GLCE: variants seen among roughly 807,000 people sequenced by gnomAD.
GLCE encodes D-glucuronyl C5-epimerase.
Under a neutral mutation model 47.9 loss-of-function variants are expected in GLCE, and 19 were observed. The ratio of observed to expected loss-of-function variants is 0.40; its 90% CI spans 0.28 to 0.58. The LOEUF (loss-of-function observed/expected upper bound fraction) is 0.58, where lower values mean the gene tolerates loss of function less well. Among genes scored for constraint, GLCE ranks in the 20% least tolerant of loss-of-function variants. The probability of loss-of-function intolerance (pLI) is 0.48; values close to 1 mark genes in which losing one functional copy is unlikely to be tolerated. For synonymous variants in GLCE, 245 were observed against 263.4 expected, an observed-to-expected ratio of 0.93 and a Z score of 0.68; for missense variants, 556 against 743.3, an observed-to-expected ratio of 0.75 and a Z score of 2.93.
At chr15:69,235,768 A>C (rs1351828709) in intron 2 of GLCE, among the ~76,000 whole-genome samples, 1 of 152,176 alleles carries the variant, frequency 6.6e-6, no homozygotes, top group Non-Finnish European at 1.5e-5. Flanking sequence ...AAAACTATAG[A>C]AACCCATTAT....
At chr15:69,186,221 CCT>C (rs1323628812) in intron 1 of GLCE, among the ~76,000 whole-genome samples, 1 of 151,952 alleles carries the variant, frequency 6.6e-6, no homozygotes, top group African/African-American at 2.4e-5. Flanking sequence ...GAGGCAGGAC[CCT>C]CTCTGGAGGG....
chr15:69,200,892 T>C (rs1176670328), intron 1 of GLCE, among the ~76,000 whole-genome samples: 1 of 152,116 alleles, frequency 6.6e-6, no homozygotes, highest in East Asian at 1.9e-4. Flanking sequence ...TAGGGCAAGA[T>C]CAGTTTCCTT....
At chr15:69,205,053 T>A (rs549653976) in intron 1 of GLCE, among the ~76,000 whole-genome samples, 88 of 152,232 alleles carry the variant, frequency 5.8e-4, no homozygotes, top group African/African-American at 2.1e-3. Context: ...CTATGTATAG[T>A]TGATATATTT....
intron 2 of GLCE, among the ~76,000 whole-genome samples, chr15:69,211,583 A>C (rs551078222): frequency 7.2e-5 from 11 of 152,022 alleles, no homozygotes; most frequent in Admixed American, 7.2e-4. Context: ...ATAAAATTGG[A>C]GCCTAGAAAG....
chr15:69,171,427 C>T (rs1200293246), intron 1 of GLCE, among the ~76,000 whole-genome samples: 5 of 148,486 alleles, frequency 3.4e-5, no homozygotes, highest in African/African-American at 7.5e-5. Flanking sequence ...GATGGAGTCT[C>T]GCACTGTCGC....
At chr15:69,260,600 C>T (rs1046356019) in intron 3 of GLCE, 2 of 155,100 alleles carry the variant, frequency 1.3e-5, no homozygotes, top group African/African-American at 2.4e-5. Flanking sequence ...CATCAGATGA[C>T]ATACCTAATT....
At chr15:69,248,286 T>C (rs538787266) in intron 2 of GLCE, among the ~76,000 whole-genome samples, 3 of 152,336 alleles carry the variant, frequency 2.0e-5, no homozygotes, top group Non-Finnish European at 4.4e-5. Context: ...ATTTAAATCT[T>C]GGTCTATTAA....
In GLCE at chr15:69,243,092, A is replaced by C. The variant is rs113903558; in HGVS notation, c.-13-12702A>C. Among the ~76,000 whole-genome samples, 318 of 151,572 alleles carry C rather than the reference A, an allele frequency of 2.1e-3. 2 individuals are homozygous for C. Among genetic ancestry groups the C allele is most frequent in the Non-Finnish European group, 3.6e-3 (246 of 67,846 alleles). On this transcript the variant is annotated intron_variant, in intron 2 of 4. Coordinates refer to ENST00000261858, the MANE Select transcript of GLCE (RefSeq NM_015554.3). Reference sequence around the variant, plus strand: ...AAAAAAAAAAGAAAGAAAGAAATGAAAAGAAAGGAGAAAGGAAAGAAAAAA... The same window carrying C: ...AAAAAAAAAAGAAAGAAAGAAATGACAAGAAAGGAGAAAGGAAAGAAAAAA...
chr15:69,217,076 C>G (rs2052317477), intron 2 of GLCE, among the ~76,000 whole-genome samples: 1 of 151,826 alleles, frequency 6.6e-6, no homozygotes, highest in Admixed American at 6.6e-5. Flanking sequence ...ATGGCTAAAC[C>G]CAGTGTTGTT....
intron 1 of GLCE, among the ~76,000 whole-genome samples, chr15:69,197,790 A>T (rs2052015811): frequency 6.6e-6 from 1 of 152,120 alleles, no homozygotes; most frequent in South Asian, 2.1e-4. Flanking sequence ...TTTATTGTAA[A>T]GGGGGAACTA....
At chr15:69,173,079 G>A (rs1403414845) in intron 1 of GLCE, among the ~76,000 whole-genome samples, 2 of 152,110 alleles carry the variant, frequency 1.3e-5, no homozygotes, top group Non-Finnish European at 2.9e-5. Flanking sequence ...TCTGCAGTTG[G>A]TGAGTCAGTG....
intron 4 of GLCE, among the ~76,000 whole-genome samples, chr15:69,264,834 G>C (rs535289166): frequency 6.6e-6 from 1 of 151,878 alleles, no homozygotes; most frequent in Non-Finnish European, 1.5e-5. Context: ...TTGGCCACTC[G>C]TGTCTTCTTT....
chr15:69,246,825 TCTC>T (rs1249379985), intron 2 of GLCE, among the ~76,000 whole-genome samples: 1 of 152,086 alleles, frequency 6.6e-6, no homozygotes, highest in Non-Finnish European at 1.5e-5. Flanking sequence ...TCGTTGTACA[TCTC>T]CATCAGAGCT....
chr15:69,260,998 C>A, intron 3 of GLCE, 89 bp from the exon 4 acceptor site: 3 of 1,229,072 alleles, frequency 2.4e-6, no homozygotes, highest in South Asian at 2.9e-5. Flanking sequence ...CCTGTAAGAT[C>A]CCCCAGAAGT....
chr15:69,164,113 G>A (rs562973520), intron 1 of GLCE, among the ~76,000 whole-genome samples: 1 of 150,606 alleles, frequency 6.6e-6, no homozygotes, highest in Non-Finnish European at 1.5e-5. Flanking sequence ...ATAGGGTGGG[G>A]GAATAGGTAT....
At chr15:69,214,412 A>G (rs2052276617) in intron 2 of GLCE, among the ~76,000 whole-genome samples, 1 of 152,042 alleles carries the variant, frequency 6.6e-6, no homozygotes, top group African/African-American at 2.4e-5. Context: ...TGATGGTTTT[A>G]TAAGTGTCTG....
intron 1 of GLCE, among the ~76,000 whole-genome samples, chr15:69,176,514 C>T (rs1200123592): frequency 6.6e-6 from 1 of 151,934 alleles, no homozygotes; most frequent in Non-Finnish European, 1.5e-5. Flanking sequence ...ATGCGTCAGC[C>T]ACCACCCCTG....
rs183413840 is a variant in GLCE, at chr15:69,221,844, C to T, written c.-14+11438C>T. Among the ~76,000 whole-genome samples, 64 of 122,330 alleles carry T rather than the reference C, an allele frequency of 5.2e-4. 1 individual carries two copies. Among genetic ancestry groups the T allele is most frequent in the African/African-American group, 1.9e-3 (62 of 31,940 alleles). 80.3% of individuals were successfully genotyped at this position (122,330 alleles called of 152,430 possible). A position where few individuals can be genotyped will look rare whatever the true frequency, so the allele number is the denominator to read the frequency against. The stretch of plus-strand genomic sequence containing the variant: ...CGCCACTGTACTCTAGCCAGGGCAA[C>T]AGAGTGAGACGCTGTCTCAAAAAAA... On this transcript the variant is annotated intron_variant, in intron 2 of 4. Coordinates refer to ENST00000261858, the MANE Select transcript of GLCE (RefSeq NM_015554.3).
At position 69,218,910 on chromosome 15, in the gene GLCE, A is replaced by G. The variant is rs116183087; in HGVS notation, c.-14+8504A>G. ...GCAAATGTAACTTTCTGATAGTCCA[A>G]TTAAACTCTTAAAATGATACTTAGT... On this transcript the variant is annotated intron_variant, in intron 2 of 4. Coordinates refer to ENST00000261858, the MANE Select transcript of GLCE (RefSeq NM_015554.3). Among the ~76,000 whole-genome samples, 499 of 152,290 alleles carry G rather than the reference A, an allele frequency of 3.3e-3. 4 individuals carry two copies. Among genetic ancestry groups the G allele is most frequent in the African/African-American group, 0.012 (488 of 41,572 alleles).
Sources: gnomAD v4.1 joint callset for allele counts (sites outside exome capture counted in the v4.1 genomes callset) on GRCh38, gnomAD v4.1.1 for gene constraint, MANE v1.5 for transcripts, NCBI Gene and HGNC (gene_info 2026-07-23, HGNC 2026-07-21) for gene names.